GSG1L: variants seen among roughly 807,000 people sequenced by gnomAD.
The protein encoded by GSG1L is GSG1 like.
In GSG1L, 24 loss-of-function variants were observed where a neutral mutation model predicts 42.1. The ratio of observed to expected loss-of-function variants is 0.57; its 90% CI spans 0.41 to 0.80. The LOEUF (loss-of-function observed/expected upper bound fraction) is 0.80, where lower values mean the gene tolerates loss of function less well. Ranked by LOEUF, GSG1L falls within the 30% of genes least tolerant of loss-of-function variation. The probability of loss-of-function intolerance (pLI) is 0.00; values close to 1 mark genes in which losing one functional copy is unlikely to be tolerated. For missense variants in GSG1L, 445 were observed against 472.2 expected (o/e 0.94, Z 0.53); for synonymous variants, 215 against 203.5 (o/e 1.06, Z -0.48).
chr16:27,863,397 C>T (rs915368563), intron 3 of GSG1L: 2 of 152,100 alleles, frequency 1.3e-5, no homozygotes, highest in Non-Finnish European at 2.9e-5. Context: ...AAACTGTTAA[C>T]CCAGCTTTAT....
At chr16:27,849,027 C>T (rs1477204410) in intron 3 of GSG1L, among the ~76,000 whole-genome samples, 2 of 152,028 alleles carry the variant, frequency 1.3e-5, no homozygotes, top group Non-Finnish European at 2.9e-5. Context: ...AAAACCCTAT[C>T]TCTACTAAAA....
chr16:28,032,501 G>A (rs930293001), intron 1 of GSG1L, among the ~76,000 whole-genome samples: 46 of 152,202 alleles, frequency 3.0e-4, no homozygotes, highest in Admixed American at 6.5e-4. Flanking sequence ...CGGCTTCTCC[G>A]TTGATGTCTC....
Position 27,824,776 on chromosome 16 carries a change from C to T in GSG1L, c.830+4013G>A, listed in dbSNP as rs9937565. Among the ~76,000 whole-genome samples the T allele has an allele frequency of 5.9e-3, 902 of 152,258 alleles. 10 individuals are homozygous for T. The highest frequency in any genetic ancestry group is 0.021 in the African/African-American group (866 of 41,556). ...ACAGCAGCTTCTTGTTGATGGGGTACGGAGAGGTCTTGTCTTCTGCCTCAG... is the reference window on the plus strand; with the variant it reads ...ACAGCAGCTTCTTGTTGATGGGGTATGGAGAGGTCTTGTCTTCTGCCTCAG... On this transcript the variant is annotated intron_variant, in intron 5 of 6. Coordinates refer to ENST00000447459, the MANE Select transcript of GSG1L (RefSeq NM_001109763.2).
chr16:27,979,244 A>G (rs919480754), intron 1 of GSG1L, among the ~76,000 whole-genome samples: 2 of 151,984 alleles, frequency 1.3e-5, no homozygotes, highest in African/African-American at 4.8e-5. Flanking sequence ...AGCCCAGACT[A>G]GACAACATAG....
chr16:27,881,423 G>A (rs183541236), intron 3 of GSG1L, among the ~76,000 whole-genome samples: 1 of 151,842 alleles, frequency 6.6e-6, no homozygotes, highest in African/African-American at 2.4e-5. Context: ...TGTATTTTTA[G>A]TAGAAACTGG....
At chr16:27,939,381 GCTTCCCAAAGCA>G (rs2084760230) in intron 2 of GSG1L, among the ~76,000 whole-genome samples, 1 of 152,134 alleles carries the variant, frequency 6.6e-6, no homozygotes, top group South Asian at 2.1e-4. Flanking sequence ...TCCTGCCTCG[GCTTCCCAAAGCA>G]CTGGGATTCC....
At chr16:27,977,669 G>A (rs2085266869) in intron 1 of GSG1L, among the ~76,000 whole-genome samples, 1 of 151,328 alleles carries the variant, frequency 6.6e-6, no homozygotes, top group South Asian at 2.1e-4. Flanking sequence ...ATTTATTATG[G>A]GAAATTTCCA....
chr16:28,016,519 G>A (rs922683684), intron 1 of GSG1L, among the ~76,000 whole-genome samples: 1 of 151,978 alleles, frequency 6.6e-6, no homozygotes, highest in Non-Finnish European at 1.5e-5. Flanking sequence ...CTAGGTTCGG[G>A]GTCATCTACC....
At chr16:27,792,670 C>G (rs931843126) in intron 6 of GSG1L, among the ~76,000 whole-genome samples, 1 of 152,178 alleles carries the variant, frequency 6.6e-6, no homozygotes, top group East Asian at 1.9e-4. Flanking sequence ...TCAGCGCACA[C>G]TCTGCCAGCA....
chr16:27,814,210 C>T (rs1476738415), intron 5 of GSG1L, among the ~76,000 whole-genome samples: 1 of 152,142 alleles, frequency 6.6e-6, no homozygotes, highest in East Asian at 1.9e-4. Flanking sequence ...CTTCTGGGCT[C>T]AAGCGATCCT....
At chr16:27,810,228 C>T (rs941464220) in intron 5 of GSG1L, among the ~76,000 whole-genome samples, 1 of 152,164 alleles carries the variant, frequency 6.6e-6, no homozygotes, top group Non-Finnish European at 1.5e-5. Context: ...CCTATAATCC[C>T]AGTGCTTTGG....
rs545600136 is a variant in GSG1L, at chr16:27,930,857, G to A, written c.397+32299C>T. ...CTCCCACCTCAGCCTCCCTAGTAGTGGAGACTACAGACATGCACCACATGC... is the reference window on the plus strand; with the variant it reads ...CTCCCACCTCAGCCTCCCTAGTAGTAGAGACTACAGACATGCACCACATGC... On this transcript the variant is annotated intron_variant, in intron 2 of 6. Transcript: ENST00000447459. Among the ~76,000 whole-genome samples the A allele has an allele frequency of 3.3e-4, 50 of 152,056 alleles. 1 individual carries two copies. Among genetic ancestry groups the A allele is most frequent in the African/African-American group, 1.1e-3 (45 of 41,498 alleles).
At chr16:27,977,559 CA>C (rs34588077) in intron 1 of GSG1L, among the ~76,000 whole-genome samples, 1,521 of 44,928 alleles carry the variant, frequency 0.034, 12 homozygotes, top group African/African-American at 0.079. Flanking sequence ...CACCCTGCCT[CA>C]AAAAAAAAAA....
intron 6 of GSG1L, among the ~76,000 whole-genome samples, chr16:27,799,216 C>A (rs1392302331): frequency 2.7e-5 from 4 of 145,974 alleles, no homozygotes; most frequent in South Asian, 2.2e-4. Flanking sequence ...CCGGCCTGGG[C>A]AAGACCCCAT....
intron 1 of GSG1L, among the ~76,000 whole-genome samples, chr16:28,004,682 G>A (rs1596692260): frequency 6.6e-6 from 1 of 152,034 alleles, no homozygotes; most frequent in East Asian, 1.9e-4. Context: ...GTAGGCTGGG[G>A]CAGGAAGTTT....
intron 3 of GSG1L, among the ~76,000 whole-genome samples, chr16:27,846,063 T>C (rs1467069423): frequency 1.3e-5 from 2 of 152,062 alleles, no homozygotes; most frequent in African/African-American, 4.8e-5. Flanking sequence ...CCACCACACC[T>C]GGCTAATTTT....
At chr16:28,039,664 T>A (rs1596723115) in intron 1 of GSG1L, among the ~76,000 whole-genome samples, 1 of 150,134 alleles carries the variant, frequency 6.7e-6, no homozygotes, top group South Asian at 2.1e-4. Context: ...CACACGCACA[T>A]GCACACACGT....
intron 1 of GSG1L, among the ~76,000 whole-genome samples, chr16:27,979,849 G>A (rs1335368608): frequency 6.7e-6 from 1 of 149,776 alleles, no homozygotes; most frequent in Non-Finnish European, 1.5e-5. Flanking sequence ...AGAAAGGAAG[G>A]AAGGAAAAGA....
intron 3 of GSG1L, among the ~76,000 whole-genome samples, chr16:27,854,080 T>C (rs1266855508): frequency 6.6e-6 from 1 of 151,514 alleles, no homozygotes; most frequent in African/African-American, 2.4e-5. Context: ...AAGAAAAAGG[T>C]TGAGAAGAAT....
Sources: allele counts gnomAD v4.1 joint callset (sites outside exome capture counted in the v4.1 genomes callset), GRCh38; gene constraint gnomAD v4.1.1; transcripts MANE v1.5; gene names NCBI Gene and HGNC (gene_info 2026-07-23, HGNC 2026-07-21).